The following TCF4 variants were observed in gnomAD, a reference collection of about 807,000 sequenced individuals.
The protein encoded by TCF4 is SL3-3 enhancer factor 2.
In TCF4, 3 loss-of-function variants were observed where a neutral mutation model predicts 82.1. That is an observed-to-expected ratio of 0.04 (90% CI 0.02 to 0.09). The LOEUF is 0.09. Among genes scored for constraint, TCF4 ranks in the 10% least tolerant of loss-of-function variants. The pLI is 1.00. For missense variants in TCF4, 518 were observed against 852.7 expected, an observed-to-expected ratio of 0.61 and a Z score of 4.89; for synonymous variants, 276 against 309.6, an observed-to-expected ratio of 0.89 and a Z score of 1.14.
At chr18:55,621,642 A>ATAAT (rs1455921380) in intron 2 of TCF4, among the ~76,000 whole-genome samples, 3 of 10,680 alleles carry the variant, frequency 2.8e-4, no homozygotes, top group Non-Finnish European at 4.0e-4. Flanking sequence ...TATATTATAT[A>ATAAT]ATATACATTA....
Position 55,391,562 on chromosome 18 carries a change from G to T in TCF4, c.369+11892C>A, listed in dbSNP as rs148123564. Reference sequence around the variant, plus strand: ...ACCCTGGGAGAACACAGAGTGAGCAGAGTCTCCTGGGCCCAGGTAAGCCCA... The same window carrying T: ...ACCCTGGGAGAACACAGAGTGAGCATAGTCTCCTGGGCCCAGGTAAGCCCA... On this transcript the variant is annotated intron_variant, in intron 6 of 19. Transcript: ENST00000354452. Among the ~76,000 whole-genome samples, 979 of 152,110 alleles carry T rather than the reference G, an allele frequency of 6.4e-3. 4 individuals are homozygous for T. Among genetic ancestry groups the T allele is most frequent in the Middle Eastern group, 0.014 (4 of 294 alleles).
chr18:55,539,283 T>C (rs1045710065), intron 3 of TCF4, among the ~76,000 whole-genome samples: 1 of 152,176 alleles, frequency 6.6e-6, no homozygotes, highest in Non-Finnish European at 1.5e-5. Context: ...CTGATTCTTA[T>C]GTCACTGATT....
chr18:55,416,321 T>C lies in TCF4; in HGVS notation c.305-12803A>G, dbSNP rs190464029. On this transcript the variant is annotated intron_variant, in intron 5 of 19. Coordinates refer to ENST00000354452, the MANE Select transcript of TCF4 (RefSeq NM_001083962.2). ...ATTATTTACTTTTACAGATAAAAATTAAATAGTCCATAACACATCCAATCT... is the reference window on the plus strand; with the variant it reads ...ATTATTTACTTTTACAGATAAAAATCAAATAGTCCATAACACATCCAATCT... Among the ~76,000 whole-genome samples, 33 of 152,210 alleles carry C rather than the reference T, an allele frequency of 2.2e-4. No homozygotes were observed. In the East Asian group the frequency reaches 5.8e-3, roughly 27 times the overall value.
chr18:55,349,868 G>A (rs1207990519), intron 8 of TCF4, among the ~76,000 whole-genome samples: 2 of 152,056 alleles, frequency 1.3e-5, no homozygotes, highest in Non-Finnish European at 2.9e-5. Flanking sequence ...AGACACAAAT[G>A]GCTACTGATG....
At chr18:55,436,207 T>C (rs995490337) in intron 5 of TCF4, among the ~76,000 whole-genome samples, 1 of 152,200 alleles carries the variant, frequency 6.6e-6, no homozygotes, top group Non-Finnish European at 1.5e-5. Context: ...TGCCTTCAAA[T>C]AAACCACCAA....
chr18:55,410,678 T>A (rs1007360346), intron 5 of TCF4, among the ~76,000 whole-genome samples: 9 of 151,984 alleles, frequency 5.9e-5, no homozygotes, highest in African/African-American at 2.2e-4. Flanking sequence ...TTTCCCACAA[T>A]ATGCCACCTC....
chr18:55,443,124 C>T (rs2095469554), intron 5 of TCF4, among the ~76,000 whole-genome samples: 1 of 152,168 alleles, frequency 6.6e-6, no homozygotes, highest in African/African-American at 2.4e-5. Flanking sequence ...TGGTTCGGGT[C>T]AACCTGGACC....
chr18:55,284,959 G>C (rs1329037993), intron 8 of TCF4, among the ~76,000 whole-genome samples: 1 of 152,162 alleles, frequency 6.6e-6, no homozygotes, highest in African/African-American at 2.4e-5. Flanking sequence ...TATACTTGTA[G>C]GTGATTAGCT....
chr18:55,240,202 A>AT (rs769491309), intron 15 of TCF4, among the ~76,000 whole-genome samples: 1 of 152,208 alleles, frequency 6.6e-6, no homozygotes, highest in African/African-American at 2.4e-5. Context: ...TTGGACATAG[A>AT]TTTTTTTGGT....
chr18:55,558,869 G>C (rs1474085544), intron 3 of TCF4, among the ~76,000 whole-genome samples: 1 of 152,042 alleles, frequency 6.6e-6, no homozygotes, highest in Admixed American at 6.6e-5. Flanking sequence ...CACTTTCCTA[G>C]ATGGGGAGAT....
At chr18:55,268,851 GCT>G (rs2059753639) in intron 11 of TCF4, 1 of 152,132 alleles carries the variant, frequency 6.6e-6, no homozygotes, top group Non-Finnish European at 1.5e-5. Context: ...CCCCACCGAC[GCT>G]CTGACAGTGA....
chr18:55,580,435 A>T (rs2097564819), intron 3 of TCF4, among the ~76,000 whole-genome samples: 2 of 152,020 alleles, frequency 1.3e-5, no homozygotes, highest in South Asian at 4.1e-4. Context: ...TTTCATTGGC[A>T]TCCATGTAGA....
intron 17 of TCF4, 122 bp from the exon 18 acceptor site, chr18:55,229,198 G>A (rs970973661): frequency 1.9e-6 from 2 of 1,055,254 alleles, no homozygotes; most frequent in Non-Finnish European, 2.9e-6. Flanking sequence ...GTTTTTGGCA[G>A]AATTTTTATA....
chr18:55,392,767 T>C (rs1603441634), intron 6 of TCF4, among the ~76,000 whole-genome samples: 1 of 152,204 alleles, frequency 6.6e-6, no homozygotes, highest in East Asian at 1.9e-4. Context: ...TGTGTGTGTG[T>C]TTCATATATA....
intron 3 of TCF4, among the ~76,000 whole-genome samples, chr18:55,560,191 CA>C (rs1185790610): frequency 6.6e-6 from 1 of 151,986 alleles, no homozygotes; most frequent in African/African-American, 2.4e-5. Flanking sequence ...AGTTTTATTC[CA>C]AACAAATGAC....
chr18:55,408,215 T>C (rs2094187735), intron 5 of TCF4, among the ~76,000 whole-genome samples: 2 of 152,316 alleles, frequency 1.3e-5, no homozygotes, highest in Admixed American at 1.3e-4. Flanking sequence ...TTCATCTATA[T>C]GGGAGAATAT....
chr18:55,603,411 T>G (rs993860430), intron 2 of TCF4, among the ~76,000 whole-genome samples: 1 of 152,206 alleles, frequency 6.6e-6, no homozygotes, highest in Non-Finnish European at 1.5e-5. Context: ...AAAGAGCTCA[T>G]GTATTCGTAC....
intron 6 of TCF4, among the ~76,000 whole-genome samples, chr18:55,353,620 T>C (rs887747217): frequency 2.0e-5 from 3 of 152,150 alleles, no homozygotes; most frequent in Non-Finnish European, 1.5e-5. Flanking sequence ...TATTGTAGAG[T>C]ATACTTATAA....
intron 15 of TCF4, among the ~76,000 whole-genome samples, chr18:55,244,953 G>A (rs190273624): frequency 1.3e-5 from 2 of 152,340 alleles, no homozygotes; most frequent in Admixed American, 1.3e-4. Flanking sequence ...TAAAATGAAT[G>A]TGGCTATTGT....
Sources: allele counts gnomAD v4.1 joint callset (sites outside exome capture counted in the v4.1 genomes callset), GRCh38; gene constraint gnomAD v4.1.1; transcripts MANE v1.5; gene names NCBI Gene and HGNC (gene_info 2026-07-23, HGNC 2026-07-21).